The following SOX5 variants were observed in gnomAD, a reference collection of about 807,000 sequenced individuals.
The protein encoded by SOX5 is transcription factor SOX-5.
A neutral mutation model predicts 92.0 loss-of-function variants in SOX5; 9 were observed. The observed-to-expected ratio is 0.10, with a 90% confidence interval of 0.06 to 0.17. The LOEUF (loss-of-function observed/expected upper bound fraction) is 0.17. SOX5 is among the 10% of genes least tolerant of loss of function. The probability of loss-of-function intolerance (pLI) is 1.00; values close to 1 mark genes in which losing one functional copy is unlikely to be tolerated. For synonymous variants in SOX5, 344 were observed against 336.3 expected (o/e 1.02, Z -0.25); for missense variants, 642 against 944.5 (o/e 0.68, Z 4.20).
intron 1 of SOX5, among the ~76,000 whole-genome samples, chr12:23,934,164 T>A (rs957257492): frequency 2.6e-5 from 4 of 151,406 alleles, no homozygotes; most frequent in African/African-American, 9.7e-5. Context: ...ATAAAATAAA[T>A]TATTCCCTCA....
At chr12:24,323,252 G>C (rs947317857) in intron 2 of SOX5, among the ~76,000 whole-genome samples, 10 of 151,076 alleles carry the variant, frequency 6.6e-5, no homozygotes, top group East Asian at 3.9e-4. Flanking sequence ...AAAATAGTAG[G>C]GTAGGTTGAT....
At chr12:24,220,772 T>G (rs1365162728) in intron 3 of SOX5, among the ~76,000 whole-genome samples, 1 of 152,202 alleles carries the variant, frequency 6.6e-6, no homozygotes, top group Non-Finnish European at 1.5e-5. Context: ...TGAACGGCAG[T>G]GCTCATCATA....
At chr12:24,019,677 G>T (rs1954068199) in intron 4 of SOX5, among the ~76,000 whole-genome samples, 1 of 152,184 alleles carries the variant, frequency 6.6e-6, no homozygotes, top group Non-Finnish European at 1.5e-5. Flanking sequence ...CTGTGGAGTT[G>T]CACAAAGATC....
At chr12:24,166,194 T>G (rs150282589) in intron 4 of SOX5, among the ~76,000 whole-genome samples, 1 of 152,062 alleles carries the variant, frequency 6.6e-6, no homozygotes, top group Non-Finnish European at 1.5e-5. Flanking sequence ...CATTTGTAAG[T>G]AAGAGATGGA....
chr12:23,960,795 G>A (rs533414104), intron 4 of SOX5, among the ~76,000 whole-genome samples: 14 of 151,922 alleles, frequency 9.2e-5, no homozygotes, highest in Non-Finnish European at 1.6e-4. Context: ...TTTTGCTTAT[G>A]TGTGGGTAAG....
intron 4 of SOX5, among the ~76,000 whole-genome samples, chr12:23,992,695 T>C (rs1950676102): frequency 6.6e-6 from 1 of 152,172 alleles, no homozygotes; most frequent in Non-Finnish European, 1.5e-5. Context: ...TTCTTTGAGG[T>C]TCATTTTAAT....
At chr12:24,291,403 C>A (rs188883452) in intron 2 of SOX5, among the ~76,000 whole-genome samples, 1 of 152,172 alleles carries the variant, frequency 6.6e-6, no homozygotes, top group African/African-American at 2.4e-5. Flanking sequence ...GTAGTTCTCA[C>A]GAATGTCTCT....
rs560442746 is a variant in SOX5, at chr12:23,838,212, T to C, written c.481+7771A>G. On this transcript the variant is annotated intron_variant, in intron 3 of 14. Transcript: ENST00000451604. ...TATTTATATTATATATACCCATTTT[T>C]CTTTCTTTGTAATTTAGAAAAACAA... 7.5e-5 allele frequency among the ~76,000 whole-genome samples: 11 copies of C among 146,292 alleles called. No individual in the cohort carries two copies. In the South Asian group the frequency reaches 2.1e-3, roughly 28 times the overall value.
intron 2 of SOX5, chr12:24,331,282 A>C (rs531710490): frequency 1.5e-4 from 23 of 152,326 alleles, no homozygotes; most frequent in African/African-American, 4.6e-4. Flanking sequence ...CTCACCTGCT[A>C]TTTTTAGCTC....
intron 2 of SOX5, among the ~76,000 whole-genome samples, chr12:24,364,024 G>A (rs1232490756): frequency 6.6e-6 from 1 of 152,148 alleles, no homozygotes; most frequent in East Asian, 1.9e-4. Context: ...TAGAAAACCT[G>A]AGAAAGATTA....
At chr12:24,455,762 T>C (rs955160585) in intron 1 of SOX5, among the ~76,000 whole-genome samples, 2 of 152,158 alleles carry the variant, frequency 1.3e-5, no homozygotes, top group Non-Finnish European at 2.9e-5. Flanking sequence ...GCTGTGCCCC[T>C]GGATGTCCCT....
intron 3 of SOX5, among the ~76,000 whole-genome samples, chr12:24,216,929 A>G (rs1412408111): frequency 6.6e-6 from 1 of 152,182 alleles, no homozygotes; most frequent in East Asian, 1.9e-4. Flanking sequence ...CTCCATCTTA[A>G]AAATCAAATA....
At chr12:24,274,674 A>G (rs1262250651) in intron 3 of SOX5, among the ~76,000 whole-genome samples, 1 of 150,866 alleles carries the variant, frequency 6.6e-6, no homozygotes, top group Non-Finnish European at 1.5e-5. Flanking sequence ...TTTGAAAGGA[A>G]AAAAAAAAAA....
At chr12:24,253,428 T>A (rs1465253919) in intron 3 of SOX5, among the ~76,000 whole-genome samples, 1 of 152,030 alleles carries the variant, frequency 6.6e-6, no homozygotes, top group East Asian at 1.9e-4. Flanking sequence ...AAACTAGAAA[T>A]AGTAGAAAAG....
At chr12:24,009,264 T>C (rs34694193) in intron 4 of SOX5, among the ~76,000 whole-genome samples, 15,969 of 152,230 alleles carry the variant, frequency 0.1, 935 homozygotes, top group Non-Finnish European at 0.14. Context: ...ATAAATTGTT[T>C]GTTTAAGCCT....
intron 1 of SOX5, among the ~76,000 whole-genome samples, chr12:24,548,955 ATC>A (rs1296617286): frequency 1.3e-5 from 2 of 152,074 alleles, no homozygotes; most frequent in African/African-American, 4.8e-5. Context: ...TCTGATCCCA[ATC>A]TCTCTCTACA....
chr12:23,957,318 A>T (rs1485168847), intron 4 of SOX5, among the ~76,000 whole-genome samples: 1 of 152,192 alleles, frequency 6.6e-6, no homozygotes, highest in African/African-American at 2.4e-5. Flanking sequence ...TAATTTTATG[A>T]CTAAGTTCAT....
chr12:23,785,188 A>G (rs12810705), intron 3 of SOX5, among the ~76,000 whole-genome samples: 18,171 of 152,300 alleles, frequency 0.12, 1,325 homozygotes, highest in Non-Finnish European at 0.17. Context: ...ACCATTAATG[A>G]CATGAATTCT....
At chr12:24,457,728 T>C (rs1224655177) in intron 1 of SOX5, among the ~76,000 whole-genome samples, 1 of 152,192 alleles carries the variant, frequency 6.6e-6, no homozygotes, top group African/African-American at 2.4e-5. Context: ...AAACTGATTA[T>C]TGCCTCAAAA....
Sources: allele counts gnomAD v4.1 joint callset (sites outside exome capture counted in the v4.1 genomes callset), GRCh38; gene constraint gnomAD v4.1.1; transcripts MANE v1.5; gene names NCBI Gene and HGNC (gene_info 2026-07-23, HGNC 2026-07-21).